The following RAVER2 variants were observed in gnomAD, a reference collection of about 807,000 sequenced individuals.
RAVER2 encodes ribonucleoprotein, PTB binding 2.
A neutral mutation model predicts 78.1 loss-of-function variants in RAVER2; 46 were observed. That is an observed-to-expected ratio of 0.59 (90% confidence interval 0.46 to 0.75). The LOEUF (loss-of-function observed/expected upper bound fraction) is 0.75. RAVER2 is among the 30% of genes least tolerant of loss of function. The probability of loss-of-function intolerance (pLI) is 0.00; values close to 1 mark genes in which losing one functional copy is unlikely to be tolerated. For missense variants in RAVER2, 793 were observed against 837.5 expected (o/e 0.95, Z 0.66); for synonymous variants, 311 against 313.3 (o/e 0.99, Z 0.08).
intron 2 of RAVER2, among the ~76,000 whole-genome samples, chr1:64,777,365 C>T (rs533712962): frequency 6.6e-6 from 1 of 152,172 alleles, no homozygotes; most frequent in South Asian, 2.1e-4. Context: ...CAGTGAAACT[C>T]CTAATATAAT....
intron 1 of RAVER2, among the ~76,000 whole-genome samples, chr1:64,767,005 C>T (rs1252011766): frequency 6.6e-6 from 1 of 152,082 alleles, no homozygotes; most frequent in Non-Finnish European, 1.5e-5. Flanking sequence ...TCACCAAATG[C>T]TATTTTACAA....
chr1:64,801,534 T>TA (rs1653265490), intron 5 of RAVER2, among the ~76,000 whole-genome samples: 2 of 149,720 alleles, frequency 1.3e-5, no homozygotes, highest in African/African-American at 2.4e-5. Flanking sequence ...TTTTTTTTTT[T>TA]AAAGTCAGAG....
At chr1:64,778,493 G>C (rs766878192) in intron 3 of RAVER2, among the ~76,000 whole-genome samples, 1 of 152,028 alleles carries the variant, frequency 6.6e-6, no homozygotes, top group African/African-American at 2.4e-5. Context: ...TAGAAGAGAC[G>C]GACAAGTAAG....
In RAVER2 at chr1:64,820,830, A is replaced by G. The variant is rs185264549; in HGVS notation, c.1929+5990A>G. Among the ~76,000 whole-genome samples, 26 of 152,276 alleles carry G rather than the reference A, an allele frequency of 1.7e-4. No individual in the cohort carries two copies. In the East Asian group the frequency reaches 3.1e-3, roughly 18 times the overall value. On this transcript the variant is annotated intron_variant, in intron 11 of 11. Coordinates refer to ENST00000294428, the Ensembl canonical transcript of RAVER2. ...ATTGATGGGCATTTAGGTTGATTCT[A>G]TGTCTTTGCTATTGTGGATAGTGCT...
chr1:64,809,489 A>AAAATAAATAAAT (rs10691863), intron 9 of RAVER2, among the ~76,000 whole-genome samples: 10,507 of 147,356 alleles, frequency 0.071, 608 homozygotes, highest in East Asian at 0.26. Flanking sequence ...CTCTAGTGCA[A>AAAATAAATAAAT]AAATAAATAA....
At chr1:64,804,263 G>GC (rs1653349519) in intron 6 of RAVER2, among the ~76,000 whole-genome samples, 1 of 152,010 alleles carries the variant, frequency 6.6e-6, no homozygotes, top group East Asian at 1.9e-4. Flanking sequence ...TGTTCTTATA[G>GC]CCCCCTGTAT....
intron 1 of RAVER2, among the ~76,000 whole-genome samples, chr1:64,761,724 T>G (rs1652027003): frequency 6.6e-6 from 1 of 152,078 alleles, no homozygotes; most frequent in Non-Finnish European, 1.5e-5. Flanking sequence ...ATAAATAAAG[T>G]TTAAAGATAT....
chr1:64,797,385 T>G (rs1653123751), intron 5 of RAVER2, among the ~76,000 whole-genome samples: 1 of 152,216 alleles, frequency 6.6e-6, no homozygotes, highest in African/African-American at 2.4e-5. Context: ...CAGACTGTTT[T>G]TATTCTGATT....
At chr1:64,761,165 AATTT>A (rs1652008309) in intron 1 of RAVER2, among the ~76,000 whole-genome samples, 1 of 152,228 alleles carries the variant, frequency 6.6e-6, no homozygotes, top group African/African-American at 2.4e-5. Context: ...AAAGTTTATT[AATTT>A]ATTTTAGGCC....
chr1:64,755,102 A>G (rs921362444), intron 1 of RAVER2, among the ~76,000 whole-genome samples: 6 of 152,228 alleles, frequency 3.9e-5, no homozygotes, highest in Non-Finnish European at 8.8e-5. Context: ...TTACAATGTA[A>G]TATTTCCTCC....
At position 64,790,156 on chromosome 1, in the gene RAVER2, C is replaced by T. The variant is rs530790597; in HGVS notation, c.1105+642C>T. ...AGGAAATGAATGCCTATACAGTGGT[C>T]TCCCCTTATCTATGTTCTTGTGTTC... On this transcript the variant is annotated intron_variant, in intron 5 of 11. Coordinates refer to ENST00000294428, the Ensembl canonical transcript of RAVER2. Among the ~76,000 whole-genome samples, 348 of 152,320 alleles carry T rather than the reference C, an allele frequency of 2.3e-3. 2 individuals are homozygous for T. The highest frequency in any genetic ancestry group is 8.0e-3 in the African/African-American group (331 of 41,574).
chr1:64,788,700 G>A (rs1652852015), intron 4 of RAVER2, among the ~76,000 whole-genome samples: 1 of 149,384 alleles, frequency 6.7e-6, no homozygotes, highest in Non-Finnish European at 1.5e-5. Flanking sequence ...GCTGAGGCAA[G>A]AGAATGTCAT....
chr1:64,820,835 T>A (rs1003540465), intron 11 of RAVER2, among the ~76,000 whole-genome samples: 5 of 152,240 alleles, frequency 3.3e-5, no homozygotes, highest in African/African-American at 4.8e-5. Context: ...ATTCTATGTC[T>A]TTGCTATTGT....
chr1:64,814,937 G>A (rs3790529), intron 11 of RAVER2, 97 bp downstream of exon 11: 128,419 of 1,122,304 alleles, frequency 0.11, 8,186 homozygotes, highest in East Asian at 0.26. Context: ...TATTATTAAC[G>A]TAGGCAAATC....
At chr1:64,789,837 A>C (rs1293922054) in intron 5 of RAVER2, among the ~76,000 whole-genome samples, 1 of 152,216 alleles carries the variant, frequency 6.6e-6, no homozygotes, top group African/African-American at 2.4e-5. Context: ...GTTATAACCT[A>C]TATTAACAAA....
At chr1:64,804,994 C>T in exon 8 of RAVER2, 3 of 1,613,306 alleles carry the variant, frequency 1.9e-6, no homozygotes, top group Non-Finnish European at 2.5e-6. Context: ...TTTGTAGAAA[C>T]CCGGCTTACT....
intron 6 of RAVER2, among the ~76,000 whole-genome samples, chr1:64,804,122 C>T (rs1480591567): frequency 1.3e-5 from 2 of 152,080 alleles, no homozygotes; most frequent in African/African-American, 4.8e-5. Context: ...CTTCCTGGAA[C>T]GCTTCCCACC....
In RAVER2 at chr1:64,794,393, G is replaced by A. The variant is rs1166834373; in HGVS notation, c.1105+4879G>A. On this transcript the variant is annotated intron_variant, in intron 5 of 11. Coordinates refer to ENST00000294428, the Ensembl canonical transcript of RAVER2. Reference sequence around the variant, plus strand: ...AGCCTGGGTGACAAATGGGGACTCCGTCTCAAAAAAAAAAAAAAAAAAAAC... The same window carrying A: ...AGCCTGGGTGACAAATGGGGACTCCATCTCAAAAAAAAAAAAAAAAAAAAC... Among the ~76,000 whole-genome samples, 21 of 117,974 alleles carry A rather than the reference G, an allele frequency of 1.8e-4. No homozygotes were observed. In the South Asian group the frequency reaches 3.7e-3, roughly 21 times the overall value. 77.4% of individuals were successfully genotyped at this position (117,974 alleles called of 152,430 possible). A position where few individuals can be genotyped will look rare whatever the true frequency, so the allele number is the denominator to read the frequency against.
Position 64,750,575 on chromosome 1 carries a change from T to G in RAVER2, c.249+5154T>G, listed in dbSNP as rs1651673024. ...ACGTATTCCTGTTTATACATCAGTA[T>G]AAAAAAGAATTATCTTACATATTTT... On this transcript the variant is annotated intron_variant, in intron 1 of 11. Transcript: ENST00000294428. Among the ~76,000 whole-genome samples the G allele has an allele frequency of 4.6e-5, 7 of 152,254 alleles. No individual in the cohort carries two copies. In the South Asian group the frequency reaches 1.5e-3, roughly 32 times the overall value.
Sources: allele counts gnomAD v4.1 joint callset (sites outside exome capture counted in the v4.1 genomes callset), GRCh38; gene constraint gnomAD v4.1.1; transcripts MANE v1.5; gene names NCBI Gene and HGNC (gene_info 2026-07-23, HGNC 2026-07-21).